The following ADAM18 variants were observed in gnomAD, a reference collection of about 807,000 sequenced individuals.
ADAM18 encodes disintegrin and metalloproteinase domain-containing protein 18.
Under a neutral mutation model 94.4 loss-of-function variants are expected in ADAM18, and 117 were observed. The observed-to-expected ratio is 1.24, with a 90% confidence interval of 1.07 to 1.45. The LOEUF (loss-of-function observed/expected upper bound fraction) is 1.45. ADAM18 is among the 40% of genes most tolerant of loss of function. The pLI, the probability that ADAM18 is intolerant of heterozygous loss-of-function variation, is 0.00. For synonymous variants in ADAM18, 327 were observed against 291.6 expected (o/e 1.12, Z -1.24); for missense variants, 936 against 880.0 (o/e 1.06, Z -0.81).
intron 12 of ADAM18, among the ~76,000 whole-genome samples, chr8:39,661,313 C>T (rs1360522151): frequency 3.5e-5 from 5 of 142,938 alleles, no homozygotes; most frequent in Non-Finnish European, 6.0e-5. Flanking sequence ...CCACCACACC[C>T]GGCAAATTTT....
chr8:39,594,595 T>C (rs543723021), intron 2 of ADAM18, among the ~76,000 whole-genome samples: 37 of 152,130 alleles, frequency 2.4e-4, no homozygotes, highest in African/African-American at 8.9e-4. Flanking sequence ...TTTCATAGAA[T>C]TCTAGATTTA....
chr8:39,585,167 A>G (rs1330682265), intron 1 of ADAM18, 109 bp from the exon 2 acceptor site: 6 of 729,562 alleles, frequency 8.2e-6, no homozygotes, highest in African/African-American at 1.8e-5. Context: ...GAGAACTTCT[A>G]CTTAAAATTT....
chr8:39,650,796 A>T (rs1820510876), intron 12 of ADAM18, among the ~76,000 whole-genome samples: 1 of 152,172 alleles, frequency 6.6e-6, no homozygotes, highest in African/African-American at 2.4e-5. Context: ...TTCAATTTTG[A>T]AGGGGTGGCC....
intron 18 of ADAM18, among the ~76,000 whole-genome samples, chr8:39,714,895 A>G (rs774832094): frequency 5.3e-5 from 8 of 152,104 alleles, no homozygotes; most frequent in Non-Finnish European, 2.9e-5. Flanking sequence ...TTAAAGTTGC[A>G]TTTTCCAAGA....
At chr8:39,708,006 G>A (rs966569879) in intron 18 of ADAM18, among the ~76,000 whole-genome samples, 1 of 152,176 alleles carries the variant, frequency 6.6e-6, no homozygotes, top group Non-Finnish European at 1.5e-5. Flanking sequence ...ATGGCAAAGT[G>A]ACTAATGGAC....
At chr8:39,602,169 T>C (rs1298487515) in intron 2 of ADAM18, among the ~76,000 whole-genome samples, 1 of 152,220 alleles carries the variant, frequency 6.6e-6, no homozygotes, top group Non-Finnish European at 1.5e-5. Flanking sequence ...TTGAATTGTT[T>C]TGGATGCATA....
rs780864230 is a variant in ADAM18 at position 39,606,356 on chromosome 8, G to T, written c.182G>T (p.Gly61Val). Reference protein sequence around the residue: ...IDGQPYTLHLGKQSFLPQNFL... With the variant: ...IDGQPYTLHLVKQSFLPQNFL... ...GGACAACCTTACACTCTACATCTCG[G>T]AAAACAGTAAGATATGATTTTTTTT... is the stretch of plus-strand genomic sequence containing the variant. Residue 61 changes from glycine to valine, a missense_variant, in exon 3 of 20, where the codon GGA becomes GTA. Transcript: ENST00000265707. The T allele has an allele frequency of 6.5e-7, 1 of 1,548,302 alleles. No individual in the cohort carries two copies. The highest frequency in any genetic ancestry group is 8.8e-7 in the Non-Finnish European group (1 of 1,140,722).
intron 16 of ADAM18, among the ~76,000 whole-genome samples, chr8:39,682,385 A>G (rs1365528073): frequency 6.6e-6 from 1 of 152,232 alleles, no homozygotes; most frequent in Non-Finnish European, 1.5e-5. Context: ...TACAAAATGA[A>G]AGGAGGCTAT....
At chr8:39,663,687 A>G (rs531538978) in intron 12 of ADAM18, 108 bp from the exon 13 acceptor site, 7 of 622,926 alleles carry the variant, frequency 1.1e-5, no homozygotes, top group East Asian at 1.0e-4. Flanking sequence ...ATTATATTGT[A>G]TAACTACAAG....
intron 2 of ADAM18, among the ~76,000 whole-genome samples, chr8:39,598,308 A>G (rs1008227847): frequency 1.3e-5 from 2 of 152,036 alleles, no homozygotes; most frequent in South Asian, 4.2e-4. Flanking sequence ...AGGAGTAGCT[A>G]TCTGTGCCTT....
At chr8:39,623,690 G>C (rs1819683159) in intron 6 of ADAM18, among the ~76,000 whole-genome samples, 1 of 151,974 alleles carries the variant, frequency 6.6e-6, no homozygotes, top group African/African-American at 2.4e-5. Context: ...TTCGCCTCCC[G>C]GGTTCACGCC....
intron 2 of ADAM18, among the ~76,000 whole-genome samples, chr8:39,591,904 A>G (rs1242276577): frequency 6.6e-6 from 1 of 152,244 alleles, no homozygotes; most frequent in Non-Finnish European, 1.5e-5. Flanking sequence ...TGCAGAATGG[A>G]CGCTGTGTTC....
chr8:39,645,745 T>G (rs1337976688), intron 11 of ADAM18, among the ~76,000 whole-genome samples: 1 of 152,174 alleles, frequency 6.6e-6, no homozygotes, highest in Admixed American at 6.5e-5. Context: ...GTTTCAAAAC[T>G]TAGTTGCTTT....
chr8:39,717,574 G>A (rs1822616406), intron 18 of ADAM18, among the ~76,000 whole-genome samples: 2 of 151,688 alleles, frequency 1.3e-5, no homozygotes, highest in Admixed American at 6.6e-5. Context: ...AAAAGAATGA[G>A]TTGGATTCTT....
In ADAM18 at chr8:39,682,868, T is replaced by C. The variant is rs941894878; in HGVS notation, c.1821+2642T>C. 5.3e-5 allele frequency among the ~76,000 whole-genome samples: 8 copies of C among 152,194 alleles called. No individual in the cohort carries two copies. The South Asian group carries it at 1.0e-3, about 20-fold the overall frequency. ...TAATGAAATGAGAATGTTGGAGAGCTTGACAATTAATGTGGTTTTTATGTG... is the reference window on the plus strand; with the variant it reads ...TAATGAAATGAGAATGTTGGAGAGCCTGACAATTAATGTGGTTTTTATGTG... On this transcript the variant is annotated intron_variant, in intron 16 of 19. Transcript: ENST00000265707.
chr8:39,644,540 G>A (rs1192510736), intron 10 of ADAM18, among the ~76,000 whole-genome samples: 1 of 152,098 alleles, frequency 6.6e-6, no homozygotes, highest in South Asian at 2.1e-4. Context: ...CTACTGCCTT[G>A]GCTTCTCAAA....
chr8:39,636,602 T>C (rs1820081605), intron 7 of ADAM18, among the ~76,000 whole-genome samples: 1 of 152,172 alleles, frequency 6.6e-6, no homozygotes, highest in African/African-American at 2.4e-5. Flanking sequence ...CATCATAATG[T>C]TTTTATATAC....
chr8:39,697,167 G>A (rs1014119982), intron 17 of ADAM18, among the ~76,000 whole-genome samples: 3 of 151,416 alleles, frequency 2.0e-5, no homozygotes, highest in African/African-American at 4.8e-5. Flanking sequence ...TTTGGGTTAC[G>A]CATTGCTAGC....
chr8:39,674,679 T>C (rs1027716972), intron 14 of ADAM18, among the ~76,000 whole-genome samples: 1 of 152,224 alleles, frequency 6.6e-6, no homozygotes, highest in African/African-American at 2.4e-5. Context: ...TGTTCACTGG[T>C]TATTTTTCCC....
Sources: gnomAD v4.1 joint callset for allele counts (sites outside exome capture counted in the v4.1 genomes callset) on GRCh38, gnomAD v4.1.1 for gene constraint, MANE v1.5 for transcripts, NCBI Gene and HGNC (gene_info 2026-07-23, HGNC 2026-07-21) for gene names.